The following TRIM61 variants were observed in gnomAD, a reference collection of about 807,000 sequenced individuals.
TRIM61 encodes the protein tripartite motif containing 61.
Under a neutral mutation model 14.2 loss-of-function variants are expected in TRIM61, and 1 was observed. The observed-to-expected ratio is 0.07, with a 90% CI of 0.03 to 0.33. The LOEUF (loss-of-function observed/expected upper bound fraction) is 0.33. TRIM61 is among the 10% of genes least tolerant of loss of function. The pLI is 0.99. For synonymous variants in TRIM61, 8 were observed against 71.6 expected (o/e 0.11, Z 4.49); for missense variants, 19 against 202.2 (o/e 0.09, Z 5.49).
chr4:164,970,634 C>T (rs2111148934), intron 2 of TRIM61, among the ~76,000 whole-genome samples: 1 of 151,972 alleles, frequency 6.6e-6, no homozygotes, highest in African/African-American at 2.4e-5. Context: ...GATTGTGGAG[C>T]ATTCTTACAA....
At chr4:164,961,453 A>G (rs925039267) in intron 3 of TRIM61, among the ~76,000 whole-genome samples, 19 of 152,000 alleles carry the variant, frequency 1.3e-4, no homozygotes, top group Non-Finnish European at 2.4e-4. Flanking sequence ...AGAATAAAAA[A>G]GAGAGCCTTA....
In TRIM61 at chr4:164,968,968, A is replaced by C. The variant is rs1732300779; in HGVS notation, c.525+510T>G. On this transcript the variant is annotated intron_variant, in intron 3 of 4. Transcript: ENST00000329314. ...CTTCCCAGTACTGCCTGCCACAACT[A>C]TATCCCTTAGAACCCAGAACAGCTG... The C allele has an allele frequency of 4.0e-6, 4 of 1,011,856 alleles. No homozygotes were observed. The South Asian group carries it at 1.2e-4, about 31-fold the overall frequency. The allele number at this position is 1,011,856 out of a possible 1,614,324, so 62.7% of individuals were successfully genotyped here. A position where few individuals can be genotyped will look rare whatever the true frequency, so the allele number is the denominator to read the frequency against.
intron 3 of TRIM61, 56 bp downstream of exon 3, chr4:164,968,225 T>C (rs755293890): frequency 4.1e-6 from 4 of 983,148 alleles, no homozygotes; most frequent in South Asian, 4.7e-5. Flanking sequence ...CCAAGAGTAA[T>C]GATGAATGCC....
chr4:164,956,859 T>C (rs770900622), intron 3 of TRIM61: 2 of 696,844 alleles, frequency 2.9e-6, no homozygotes, highest in Middle Eastern at 4.1e-4. Flanking sequence ...CCCCAAGCAC[T>C]GCAGCGTTTC....
chr4:164,968,336 T>A (rs887023065), intron 3 of TRIM61: 90 of 965,802 alleles, frequency 9.3e-5, no homozygotes, highest in Non-Finnish European at 1.1e-4. Context: ...TAGATTTTCT[T>A]ACATAATACA....
At chr4:164,966,278 G>A (rs1215165516) in intron 3 of TRIM61, among the ~76,000 whole-genome samples, 1 of 152,156 alleles carries the variant, frequency 6.6e-6, no homozygotes, top group African/African-American at 2.4e-5. Flanking sequence ...GCAATCACTT[G>A]ACAATACATG....
intron 3 of TRIM61, among the ~76,000 whole-genome samples, chr4:164,962,270 G>C (rs545082902): frequency 1.3e-5 from 2 of 149,902 alleles, no homozygotes; most frequent in Admixed American, 1.3e-4. Flanking sequence ...ACCCAGGCTG[G>C]AGTGCAGTGG....
At chr4:164,957,113 G>C in intron 3 of TRIM61, 2 of 1,587,802 alleles carry the variant, frequency 1.3e-6, no homozygotes, top group African/African-American at 1.3e-5. Flanking sequence ...GGCTGGGCGA[G>C]CCAAACTGCG....
intron 2 of TRIM61, among the ~76,000 whole-genome samples, chr4:164,973,275 C>T (rs1288952658): frequency 6.6e-6 from 1 of 152,204 alleles, no homozygotes; most frequent in East Asian, 1.9e-4. Flanking sequence ...GCGGAGTCTA[C>T]AAGAATTTGA....
At chr4:164,957,059 C>T in intron 3 of TRIM61, 3 of 1,521,766 alleles carry the variant, frequency 2.0e-6, no homozygotes, top group South Asian at 1.3e-5. Flanking sequence ...CAGCTGTCCT[C>T]TTCTCCCCGG....
rs188681215 is a variant in TRIM61, at chr4:164,968,883, T to G, written c.525+595A>C. ...ACTAAAATTGGTTGACTCTTCCTCC[T>G]TCTGGGAAGACAGTCATTACAGACA... On this transcript the variant is annotated intron_variant, in intron 3 of 4. Coordinates refer to ENST00000329314, the MANE Select transcript of TRIM61 (RefSeq NM_001012414.3). 67 of 989,118 alleles carry G rather than the reference T, an allele frequency of 6.8e-5. No individual in the cohort carries two copies. The East Asian group carries it at 4.9e-3, about 72-fold the overall frequency. 61.3% of individuals were successfully genotyped at this position (989,118 alleles called of 1,614,324 possible). A position where few individuals can be genotyped will look rare whatever the true frequency, so the allele number is the denominator to read the frequency against.
At chr4:164,957,570 T>C (rs548234596) in intron 3 of TRIM61, 2 of 1,462,508 alleles carry the variant, frequency 1.4e-6, no homozygotes, top group South Asian at 1.4e-5. Context: ...ATGCTTTAAA[T>C]AAGCCAAAAC....
intron 3 of TRIM61, among the ~76,000 whole-genome samples, chr4:164,964,221 G>A (rs576661646): frequency 5.9e-5 from 9 of 151,438 alleles, no homozygotes; most frequent in Non-Finnish European, 1.0e-4. Context: ...GGTGGTGGGC[G>A]CATGTAGTCC....
intron 2 of TRIM61, among the ~76,000 whole-genome samples, chr4:164,972,164 A>C (rs777500519): frequency 3.3e-5 from 5 of 152,242 alleles, no homozygotes; most frequent in Non-Finnish European, 7.3e-5. Flanking sequence ...TGTAAGCACT[A>C]ACATTATTGA....
intron 3 of TRIM61, among the ~76,000 whole-genome samples, chr4:164,959,975 G>T (rs1388939072): frequency 6.6e-6 from 1 of 152,122 alleles, no homozygotes; most frequent in African/African-American, 2.4e-5. Flanking sequence ...TGGTCAAAAT[G>T]AGGTCATTAG....
In TRIM61 at chr4:164,970,390, T is replaced by C. The variant is rs928833766; in HGVS notation, c.-337-51A>G. 5 of 201,744 alleles carry C rather than the reference T, an allele frequency of 2.5e-5. No homozygotes were observed. In the Admixed American group the frequency reaches 2.6e-4, roughly 11 times the overall value. 12.5% of individuals were successfully genotyped at this position (201,744 alleles called of 1,614,324 possible). The stretch of plus-strand genomic sequence containing the variant: ...TAAAATTCCATAATCACAAATGTAT[T>C]AAACGTTCACACAAGAATCATCAAT... On this transcript the variant is annotated intron_variant, in intron 2 of 4. Transcript: ENST00000329314.
chr4:164,957,054 G>A (rs1280822181), intron 3 of TRIM61: 1 of 1,515,806 alleles, frequency 6.6e-7, no homozygotes, highest in Non-Finnish European at 8.8e-7. Flanking sequence ...CGGGGCAGCT[G>A]TCCTCTTCTC....
intron 3 of TRIM61, among the ~76,000 whole-genome samples, chr4:164,955,515 G>A (rs1246455050): frequency 7.0e-6 from 1 of 142,136 alleles, no homozygotes; most frequent in African/African-American, 2.6e-5. Context: ...GCTACAGTGA[G>A]CTACGAACTT....
chr4:164,957,107 G>C, intron 3 of TRIM61: 1 of 1,580,378 alleles, frequency 6.3e-7, no homozygotes, highest in Non-Finnish European at 8.6e-7. Flanking sequence ...AGGGTGGGCT[G>C]GGCGAGCCAA....
Sources: allele counts gnomAD v4.1 joint callset (sites outside exome capture counted in the v4.1 genomes callset), GRCh38; gene constraint gnomAD v4.1.1; transcripts MANE v1.5; gene names NCBI Gene and HGNC (gene_info 2026-07-23, HGNC 2026-07-21).